Variants in TRAPPC9 observed in about 807,000 individuals in gnomAD.
TRAPPC9 encodes trafficking protein particle complex subunit 9.
TRAPPC9 carries 83 observed loss-of-function variants against 124.0 expected under a neutral mutation model. The ratio of observed to expected loss-of-function variants is 0.67; its 90% CI spans 0.56 to 0.80. TRAPPC9 has a LOEUF of 0.80. Ranked by LOEUF, TRAPPC9 falls within the 30% of genes least tolerant of loss-of-function variation. The pLI is 0.00. For synonymous variants in TRAPPC9, 638 were observed against 617.5 expected, an observed-to-expected ratio of 1.03 and a Z score of -0.49; for missense variants, 1,302 against 1,508.3, an observed-to-expected ratio of 0.86 and a Z score of 2.27.
intron 21 of TRAPPC9, among the ~76,000 whole-genome samples, chr8:139,872,041 T>C (rs1587049055): frequency 6.8e-6 from 1 of 146,818 alleles, no homozygotes; most frequent in Admixed American, 6.8e-5. Context: ...GATAAGTGGA[T>C]GGATGGATGG....
At chr8:140,259,029 C>T (rs1037279556) in intron 15 of TRAPPC9, among the ~76,000 whole-genome samples, 22 of 152,206 alleles carry the variant, frequency 1.4e-4, no homozygotes, top group Admixed American at 1.1e-3. Context: ...CAGCCCACCC[C>T]GCGGAGGAAG....
At chr8:140,373,624 T>A (rs561502303) in intron 7 of TRAPPC9, among the ~76,000 whole-genome samples, 1 of 151,698 alleles carries the variant, frequency 6.6e-6, no homozygotes, top group East Asian at 1.9e-4. Flanking sequence ...TGTGTGAGAA[T>A]CCCTGTTGCT....
At chr8:139,845,597 C>T (rs1827025541) in intron 21 of TRAPPC9, among the ~76,000 whole-genome samples, 1 of 152,208 alleles carries the variant, frequency 6.6e-6, no homozygotes, top group African/African-American at 2.4e-5. Context: ...GGTCTCCTTA[C>T]ACCGGGGAGG....
intron 21 of TRAPPC9, among the ~76,000 whole-genome samples, chr8:139,838,873 G>A (rs1295142703): frequency 1.3e-5 from 2 of 152,220 alleles, no homozygotes; most frequent in African/African-American, 4.8e-5. Flanking sequence ...CTGCTGTGGA[G>A]AGGCCCAGGG....
At chr8:140,419,428 CAAAAA>C (rs61155157) in intron 5 of TRAPPC9, among the ~76,000 whole-genome samples, 17 of 79,584 alleles carry the variant, frequency 2.1e-4, no homozygotes, top group African/African-American at 5.4e-4. Context: ...GACTCCGTCT[CAAAAA>C]AAAAAAAAAA....
At chr8:140,419,716 T>C (rs1328447837) in intron 5 of TRAPPC9, among the ~76,000 whole-genome samples, 1 of 151,382 alleles carries the variant, frequency 6.6e-6, no homozygotes. Context: ...AAACCCCGTC[T>C]CTACTAAAAA....
rs754947340 is a variant in TRAPPC9 at position 140,072,527 on chromosome 8, AG to A, written c.2557-48449del. On this transcript the variant is annotated intron_variant, in intron 17 of 22. Transcript: ENST00000438773. ...AGCGAGACTCCGTCTCAAAAAAAAA[AG>A]GAGGAGGAGGAGGAGGAGGAAGAGG... Among the ~76,000 whole-genome samples the A allele has an allele frequency of 3.4e-3, 440 of 127,596 alleles. 6 individuals carry two copies. Among genetic ancestry groups the A allele is most frequent in the African/African-American group, 0.011 (390 of 34,684 alleles). 83.7% of individuals were successfully genotyped at this position (127,596 alleles called of 152,430 possible).
At chr8:140,356,209 C>T (rs1479663487) in intron 9 of TRAPPC9, among the ~76,000 whole-genome samples, 1 of 152,208 alleles carries the variant, frequency 6.6e-6, no homozygotes, top group Admixed American at 6.5e-5. Context: ...AGAAACACAG[C>T]AACAGAGCAA....
chr8:140,020,715 G>T (rs1453114853), intron 18 of TRAPPC9, among the ~76,000 whole-genome samples: 1 of 151,952 alleles, frequency 6.6e-6, no homozygotes, highest in Admixed American at 6.5e-5. Context: ...TAATTTTTTT[G>T]TCTACTTATT....
At chr8:140,162,343 C>A (rs541631769) in intron 17 of TRAPPC9, among the ~76,000 whole-genome samples, 1 of 152,260 alleles carries the variant, frequency 6.6e-6, no homozygotes, top group South Asian at 2.1e-4. Flanking sequence ...GTGTCAGCCC[C>A]CTGCTTCTCC....
chr8:140,013,081 A>G (rs1839238140), intron 18 of TRAPPC9, among the ~76,000 whole-genome samples: 2 of 152,286 alleles, frequency 1.3e-5, no homozygotes, highest in Middle Eastern at 6.8e-3. Flanking sequence ...GAAGAACGCT[A>G]ACAGCCTGGT....
At chr8:140,041,925 C>T (rs548243972) in intron 17 of TRAPPC9, among the ~76,000 whole-genome samples, 2 of 151,688 alleles carry the variant, frequency 1.3e-5, no homozygotes, top group East Asian at 1.9e-4. Context: ...GAGCTGAGAT[C>T]GCACCACTGT....
intron 21 of TRAPPC9, among the ~76,000 whole-genome samples, chr8:139,865,908 G>A (rs1450589057): frequency 6.6e-5 from 10 of 152,174 alleles, no homozygotes; most frequent in Non-Finnish European, 1.2e-4. Context: ...TGGTCGGGGT[G>A]CAGCTTGGTT....
chr8:139,902,753 G>A (rs1031208767), intron 20 of TRAPPC9, among the ~76,000 whole-genome samples: 1 of 152,198 alleles, frequency 6.6e-6, no homozygotes. Flanking sequence ...AGAGGCCGAA[G>A]GGTGGGCCCA....
chr8:139,815,115 C>T (rs924620242), intron 21 of TRAPPC9, among the ~76,000 whole-genome samples: 2 of 152,194 alleles, frequency 1.3e-5, no homozygotes, highest in African/African-American at 4.8e-5. Flanking sequence ...AGTGGACAGT[C>T]TGTTTTAGAC....
intron 18 of TRAPPC9, among the ~76,000 whole-genome samples, chr8:139,990,441 T>TCA (rs905431049): frequency 3.9e-5 from 6 of 151,964 alleles, no homozygotes; most frequent in Non-Finnish European, 8.8e-5. Context: ...GCCCAGAAGT[T>TCA]CACACACACA....
chr8:139,755,713 G>A (rs71514652), intron 21 of TRAPPC9, among the ~76,000 whole-genome samples: 10 of 136,832 alleles, frequency 7.3e-5, no homozygotes, highest in Non-Finnish European at 1.1e-4. Context: ...ACAGCATGTC[G>A]CAGGAGGAGC....
chr8:139,739,719 C>T (rs1396996979), intron 21 of TRAPPC9, among the ~76,000 whole-genome samples: 1 of 152,252 alleles, frequency 6.6e-6, no homozygotes, highest in African/African-American at 2.4e-5. Flanking sequence ...TTCTCATGGC[C>T]CTGGCATCTG....
chr8:139,892,402 G>T (rs955294004), intron 20 of TRAPPC9, among the ~76,000 whole-genome samples: 4 of 152,214 alleles, frequency 2.6e-5, no homozygotes, highest in Non-Finnish European at 5.9e-5. Context: ...ATGAACTGAT[G>T]ACAGTCTAGC....
Sources: allele counts gnomAD v4.1 joint callset (sites outside exome capture counted in the v4.1 genomes callset), GRCh38; gene constraint gnomAD v4.1.1; transcripts MANE v1.5; gene names NCBI Gene and HGNC (gene_info 2026-07-23, HGNC 2026-07-21).